The following COL15A1 variants were observed in gnomAD, a reference collection of about 807,000 sequenced individuals.
COL15A1 encodes collagen alpha-1(XV) chain.
COL15A1 carries 111 observed loss-of-function variants against 165.9 expected under a neutral mutation model. That is an observed-to-expected ratio of 0.67 (90% CI 0.57 to 0.78). The LOEUF is 0.78. Among genes scored for constraint, COL15A1 ranks in the 30% least tolerant of loss-of-function variants. COL15A1 has a pLI of 0.00. For synonymous variants in COL15A1, 659 were observed against 674.8 expected (o/e 0.98, Z 0.36); for missense variants, 1,745 against 1,789.7 (o/e 0.98, Z 0.45).
At chr9:99,021,694 T>A (rs1588519082) in intron 12 of COL15A1, among the ~76,000 whole-genome samples, 1 of 152,216 alleles carries the variant, frequency 6.6e-6, no homozygotes, top group East Asian at 1.9e-4. Flanking sequence ...ATGATGTTCC[T>A]GTAAAGGTCA....
At chr9:98,959,398 C>G (rs1837831658) in intron 2 of COL15A1, among the ~76,000 whole-genome samples, 1 of 151,868 alleles carries the variant, frequency 6.6e-6, no homozygotes, top group South Asian at 2.1e-4. Context: ...AGTACTCTTT[C>G]CAAGTTATGA....
At chr9:99,021,524 A>G (rs922371415) in intron 12 of COL15A1, among the ~76,000 whole-genome samples, 12 of 152,082 alleles carry the variant, frequency 7.9e-5, no homozygotes, top group African/African-American at 2.7e-4. Flanking sequence ...CCACTCTGTC[A>G]TTTTCTTTCA....
At chr9:98,967,779 TCCATGACTGC>T (rs1837981919) in intron 2 of COL15A1, among the ~76,000 whole-genome samples, 1 of 152,164 alleles carries the variant, frequency 6.6e-6, no homozygotes, top group African/African-American at 2.4e-5. Flanking sequence ...TGTCTCCAGG[TCCATGACTGC>T]CCATGACTGG....
At chr9:99,059,995 A>G in intron 36 of COL15A1, 42 bp downstream of exon 36, 1 of 1,602,490 alleles carries the variant, frequency 6.2e-7, no homozygotes, top group Non-Finnish European at 8.5e-7. Flanking sequence ...TCCATTTGGG[A>G]TAGATATACT....
At position 99,069,983 on chromosome 9, in the gene COL15A1, T is replaced by TA; in HGVS notation, c.*97_*98insA. 11 of 995,540 alleles carry TA rather than the reference T, an allele frequency of 1.1e-5. No homozygotes were observed. In the South Asian group the frequency reaches 1.9e-4, roughly 18 times the overall value. 61.7% of individuals were successfully genotyped at this position (995,540 alleles called of 1,614,324 possible). A position where few individuals can be genotyped will look rare whatever the true frequency, so the allele number is the denominator to read the frequency against. On this transcript the variant is annotated 3_prime_UTR_variant, in exon 42 of 42. Transcript: ENST00000375001. ...GTTTAATTGTTGTAAATATTACAGT[T>TA]TTTTTTTTTTACTACATATTCTTTA...
rs752720488 is a variant in COL15A1, at chr9:99,059,891, G to A, written c.3340G>A (p.Val1114Met). The change falls in exon 36 of 42, where the codon GTG becomes ATG. Residue 1114 changes from valine to methionine, a missense_variant and splice_region_variant. Transcript: ENST00000375001. ...TTCTCTTTTCTGTTTTGTCTTAGCT[G>A]TGGCCCTTCCAGGTCCCCCTGGCCC... is the stretch of plus-strand genomic sequence containing the variant. Reference protein sequence around the residue: ...PGPPAILGAAVALPGPPGPPG... With the variant: ...PGPPAILGAAMALPGPPGPPG... 6 of 1,613,640 alleles carry A rather than the reference G, an allele frequency of 3.7e-6. No homozygotes were observed. The East Asian group carries it at 8.9e-5, about 24-fold the overall frequency.
intron 39 of COL15A1, among the ~76,000 whole-genome samples, chr9:99,066,511 C>A (rs538834736): frequency 6.6e-6 from 1 of 152,014 alleles, no homozygotes; most frequent in South Asian, 2.1e-4. Context: ...CTGCACAGAC[C>A]CAGAGGTCTC....
At chr9:98,979,695 C>A (rs1838202418) in intron 2 of COL15A1, among the ~76,000 whole-genome samples, 1 of 151,254 alleles carries the variant, frequency 6.6e-6, no homozygotes, top group Non-Finnish European at 1.5e-5. Context: ...ACATTTTTTT[C>A]TAAGTGGTCA....
At chr9:99,041,874 C>G (rs904690962) in intron 23 of COL15A1, among the ~76,000 whole-genome samples, 171 bp from the exon 24 acceptor site, 1 of 152,218 alleles carries the variant, frequency 6.6e-6, no homozygotes, top group Non-Finnish European at 1.5e-5. Context: ...TTCTGCCAGA[C>G]CACAGTTTCT....
At chr9:99,031,654 C>A (rs1839214785) in intron 16 of COL15A1, among the ~76,000 whole-genome samples, 1 of 152,172 alleles carries the variant, frequency 6.6e-6, no homozygotes, top group Non-Finnish European at 1.5e-5. Context: ...AAGGAACCTG[C>A]AAATTGCTTT....
At chr9:98,973,073 A>ATAC (rs1564020406) in intron 2 of COL15A1, among the ~76,000 whole-genome samples, 1 of 152,230 alleles carries the variant, frequency 6.6e-6, no homozygotes, top group Admixed American at 6.5e-5. Flanking sequence ...ACAGAAGAGG[A>ATAC]TACTGGACAG....
chr9:99,035,189 T>A (rs371250106), intron 18 of COL15A1, 35 bp downstream of exon 18: 64 of 1,579,386 alleles, frequency 4.1e-5, no homozygotes, highest in Non-Finnish European at 5.3e-5. Flanking sequence ...ATAAAAATGA[T>A]GTGTACTAAG....
At chr9:99,001,646 G>A (rs532227477) in intron 7 of COL15A1, among the ~76,000 whole-genome samples, 60 of 152,222 alleles carry the variant, frequency 3.9e-4, no homozygotes, top group Non-Finnish European at 7.1e-4. Context: ...CCAGGAAAGG[G>A]AAGCATGGTT....
At chr9:99,022,206 C>T (rs1839039996) in intron 13 of COL15A1, 56 bp downstream of exon 13, 1 of 1,609,614 alleles carries the variant, frequency 6.2e-7, no homozygotes, top group African/African-American at 1.3e-5. Context: ...GGGATGCGGC[C>T]AAAACAGCCA....
chr9:99,036,077 G>A, intron 19 of COL15A1, 93 bp from the exon 20 acceptor site: 2 of 1,064,938 alleles, frequency 1.9e-6, no homozygotes, highest in South Asian at 1.3e-5. Context: ...GACAAAATAA[G>A]CATAAAAGCT....
In COL15A1 at chr9:99,015,584, T is replaced by C. The variant is rs150779155; in HGVS notation, c.1503+18T>C. 2,432 of 1,611,666 alleles carry C rather than the reference T, an allele frequency of 1.5e-3. 30 individuals carry two copies. The East Asian group carries it at 0.021, about 14-fold the overall frequency. On this transcript the variant is annotated intron_variant, in intron 10 of 41. Coordinates refer to ENST00000375001, the MANE Select transcript of COL15A1 (RefSeq NM_001855.5). ...TCACTTCTGTAAGTGTCATCTTGTG[T>C]CCTCTCTGGCTCACAGGGGAGAGAC...
At chr9:99,055,704 G>A (rs968714565) in intron 34 of COL15A1, among the ~76,000 whole-genome samples, 1 of 152,236 alleles carries the variant, frequency 6.6e-6, no homozygotes, top group Non-Finnish European at 1.5e-5. Context: ...TGGAAGGTAA[G>A]GAGATATTTT....
At chr9:98,994,117 G>A (rs563363886) in intron 5 of COL15A1, among the ~76,000 whole-genome samples, 1 of 150,990 alleles carries the variant, frequency 6.6e-6, no homozygotes, top group African/African-American at 2.4e-5. Context: ...TGTGTTGGGG[G>A]TGGGGGTGGC....
intron 16 of COL15A1, among the ~76,000 whole-genome samples, chr9:99,030,168 A>G (rs1839194611): frequency 6.6e-6 from 1 of 152,216 alleles, no homozygotes; most frequent in Non-Finnish European, 1.5e-5. Context: ...AACATTTTGA[A>G]TCAATTCTAA....
Sources: allele counts gnomAD v4.1 joint callset (sites outside exome capture counted in the v4.1 genomes callset), GRCh38; gene constraint gnomAD v4.1.1; transcripts MANE v1.5; gene names NCBI Gene and HGNC (gene_info 2026-07-23, HGNC 2026-07-21).